PCDHA8: variants seen among roughly 807,000 people sequenced by gnomAD.
PCDHA8 encodes the protein protocadherin alpha-8.
PCDHA8 carries 53 observed loss-of-function variants against 61.8 expected under a neutral mutation model. The ratio of observed to expected loss-of-function variants is 0.86; its 90% CI spans 0.69 to 1.08. PCDHA8 has a LOEUF of 1.08. Among genes scored for constraint, PCDHA8 ranks in the 50% least tolerant of loss-of-function variants. The probability of loss-of-function intolerance (pLI) is 0.00; values close to 1 mark genes in which losing one functional copy is unlikely to be tolerated. For missense variants in PCDHA8, 1,293 were observed against 1,245.0 expected, an observed-to-expected ratio of 1.04 and a Z score of -0.58; for synonymous variants, 618 against 556.6, an observed-to-expected ratio of 1.11 and a Z score of -1.55.
At chr5:141,000,120 C>G (rs1554257146) in intron 3 of PCDHA8, among the ~76,000 whole-genome samples, 1 of 152,052 alleles carries the variant, frequency 6.6e-6, no homozygotes, top group African/African-American at 2.4e-5. Flanking sequence ...CCCTCATCCC[C>G]AAGGCTTCAC....
At chr5:140,851,222 T>A in intron 1 of PCDHA8, 1 of 1,140,378 alleles carries the variant, frequency 8.8e-7, no homozygotes, top group Non-Finnish European at 1.1e-6. Context: ...TTAACATCAC[T>A]ATCATTTATT....
rs576414745 is a variant in PCDHA8, at chr5:140,895,584, G to T, written c.2394+51869G>T. Among the ~76,000 whole-genome samples the T allele has an allele frequency of 9.2e-5, 14 of 152,210 alleles. No individual in the cohort carries two copies. In the South Asian group the frequency reaches 2.7e-3, roughly 29 times the overall value. The stretch of plus-strand genomic sequence containing the variant: ...TATTCTAGATGCAATTACTTTATTA[G>T]ATATATAATTTGCAAAGATTTTCTC... On this transcript the variant is annotated intron_variant, in intron 1 of 3. Coordinates refer to ENST00000531613, the MANE Select transcript of PCDHA8 (RefSeq NM_018911.3).
intron 1 of PCDHA8, chr5:140,850,022 A>C: frequency 6.3e-7 from 1 of 1,596,794 alleles, no homozygotes; most frequent in Admixed American, 1.7e-5. Context: ...GCTACGTGTC[A>C]GTGCACGCGG....
At chr5:140,856,128 G>C in intron 1 of PCDHA8, 1 of 1,598,140 alleles carries the variant, frequency 6.3e-7, no homozygotes, top group Non-Finnish European at 8.6e-7. Context: ...GAGGTGGGGA[G>C]CGGCCAGCTC....
intron 1 of PCDHA8, chr5:140,855,962 G>A (rs2043697360): frequency 3.6e-6 from 5 of 1,403,344 alleles, no homozygotes; most frequent in Non-Finnish European, 4.8e-6. Flanking sequence ...ATAAAAAATA[G>A]ATATAAGAAA....
chr5:140,967,889 C>T, intron 1 of PCDHA8: 1 of 1,614,146 alleles, frequency 6.2e-7, no homozygotes, highest in Non-Finnish European at 8.5e-7. Context: ...TAGCCCAGTG[C>T]CTGAGAATGC....
intron 3 of PCDHA8, among the ~76,000 whole-genome samples, chr5:141,005,681 G>A (rs970656529): frequency 2.7e-5 from 3 of 112,616 alleles, no homozygotes; most frequent in African/African-American, 3.6e-5. Flanking sequence ...CAGCCTGGGC[G>A]ACAGAGCGAA....
At chr5:140,938,705 A>G (rs1554212312) in intron 1 of PCDHA8, among the ~76,000 whole-genome samples, 1 of 152,150 alleles carries the variant, frequency 6.6e-6, no homozygotes, top group African/African-American at 2.4e-5. Context: ...ATATATGTTT[A>G]TGATAGAAAC....
intron 1 of PCDHA8, chr5:140,882,620 C>T: frequency 6.2e-7 from 1 of 1,614,220 alleles, no homozygotes; most frequent in Non-Finnish European, 8.5e-7. Flanking sequence ...GCAGGTTTTC[C>T]ATGTGGAGGT....
intron 3 of PCDHA8, among the ~76,000 whole-genome samples, chr5:141,002,404 C>T (rs1167193365): frequency 2.0e-5 from 3 of 152,200 alleles, no homozygotes; most frequent in African/African-American, 7.2e-5. Context: ...CTCTGTGCCT[C>T]CCAAATAGTA....
chr5:140,862,840 C>A (rs1434718417), intron 1 of PCDHA8: 1 of 573,790 alleles, frequency 1.7e-6, no homozygotes, highest in Non-Finnish European at 3.3e-6. Flanking sequence ...CGCGGGCATG[C>A]CGCCTCTGAG....
At chr5:141,002,797 G>A (rs1025670333) in intron 3 of PCDHA8, among the ~76,000 whole-genome samples, 2 of 152,190 alleles carry the variant, frequency 1.3e-5, no homozygotes, top group African/African-American at 4.8e-5. Context: ...TATGGATGAG[G>A]AAACTGAGGC....
intron 1 of PCDHA8, among the ~76,000 whole-genome samples, chr5:140,966,046 G>A (rs1329363755): frequency 6.6e-6 from 1 of 152,212 alleles, no homozygotes. Context: ...CCCATCGCCA[G>A]TAACCCCAGA....
At chr5:140,903,149 T>C (rs1329505317) in intron 1 of PCDHA8, among the ~76,000 whole-genome samples, 1 of 152,242 alleles carries the variant, frequency 6.6e-6, no homozygotes, top group Non-Finnish European at 1.5e-5. Context: ...CTGTTTTCCA[T>C]AGTGGTTGTG....
chr5:140,884,176 T>C, intron 1 of PCDHA8: 1 of 1,613,372 alleles, frequency 6.2e-7, no homozygotes, highest in South Asian at 1.1e-5. Flanking sequence ...CGACGCGCCC[T>C]CTGGACGAGG....
At chr5:140,870,990 G>C in intron 1 of PCDHA8, 6 of 1,613,518 alleles carry the variant, frequency 3.7e-6, no homozygotes, top group Non-Finnish European at 5.1e-6. Flanking sequence ...ACACGGGCGA[G>C]ATAAGCACAA....
chr5:140,926,812 G>C, intron 1 of PCDHA8: 3 of 1,459,082 alleles, frequency 2.1e-6, no homozygotes, highest in Non-Finnish European at 1.8e-6. Flanking sequence ...CCCGCGGCTC[G>C]TGCTCTCCAG....
intron 1 of PCDHA8, chr5:140,883,466 A>T: frequency 6.2e-7 from 1 of 1,614,128 alleles, no homozygotes; most frequent in Non-Finnish European, 8.5e-7. Flanking sequence ...GCTGGTGTCC[A>T]CCTACAAGAA....
intron 1 of PCDHA8, chr5:140,847,315 A>C (rs2150398811): frequency 1.3e-5 from 2 of 149,940 alleles, no homozygotes; most frequent in Non-Finnish European, 3.0e-5. Context: ...AATCAAGGAC[A>C]GAAGCAATTG....
Sources: gnomAD v4.1 joint callset for allele counts (sites outside exome capture counted in the v4.1 genomes callset) on GRCh38, gnomAD v4.1.1 for gene constraint, MANE v1.5 for transcripts, NCBI Gene and HGNC (gene_info 2026-07-23, HGNC 2026-07-21) for gene names.